Variants in PTPRD observed in about 807,000 individuals in gnomAD.
PTPRD encodes protein tyrosine phosphatase receptor type D, also known as receptor-type tyrosine-protein phosphatase delta.
Under a neutral mutation model 214.5 loss-of-function variants are expected in PTPRD, and 34 were observed. The observed-to-expected ratio is 0.16, with a 90% CI of 0.12 to 0.21. The LOEUF (loss-of-function observed/expected upper bound fraction) is 0.21. PTPRD is among the 10% of genes least tolerant of loss of function. PTPRD has a pLI of 1.00. For synonymous variants in PTPRD, 1,128 were observed against 845.7 expected, an observed-to-expected ratio of 1.33 and a Z score of -5.79; for missense variants, 2,545 against 2,398.7, an observed-to-expected ratio of 1.06 and a Z score of -1.27.
intron 14 of PTPRD, among the ~76,000 whole-genome samples, chr9:8,582,878 G>C (rs564200586): frequency 2.6e-5 from 4 of 152,236 alleles, no homozygotes; most frequent in Admixed American, 6.5e-5. Flanking sequence ...TTCAGCAATT[G>C]GATGTTAAGG....
intron 3 of PTPRD, among the ~76,000 whole-genome samples, chr9:10,147,569 G>A (rs371290843): frequency 2.6e-5 from 4 of 152,244 alleles, no homozygotes; most frequent in African/African-American, 4.8e-5. Flanking sequence ...AGGAAGAAGA[G>A]TTATAGAGAT....
chr9:9,490,554 A>G (rs1033583887), intron 8 of PTPRD, among the ~76,000 whole-genome samples: 3 of 152,050 alleles, frequency 2.0e-5, no homozygotes, highest in Non-Finnish European at 4.4e-5. Context: ...TACACAATGT[A>G]TAAAAATGAA....
intron 14 of PTPRD, among the ~76,000 whole-genome samples, chr9:8,605,623 A>G (rs979767113): frequency 8.5e-5 from 13 of 152,214 alleles, no homozygotes; most frequent in African/African-American, 3.1e-4. Context: ...AAATAGGGAT[A>G]ATATAAAACT....
chr9:9,459,285 A>G (rs545269432), intron 8 of PTPRD, among the ~76,000 whole-genome samples: 40 of 152,224 alleles, frequency 2.6e-4, no homozygotes, highest in African/African-American at 8.9e-4. Flanking sequence ...CCCACTAAGA[A>G]CAGAAACAAG....
intron 12 of PTPRD, among the ~76,000 whole-genome samples, chr9:8,657,626 C>G (rs1157412042): frequency 6.6e-6 from 1 of 152,092 alleles, no homozygotes; most frequent in African/African-American, 2.4e-5. Flanking sequence ...TTTTGCTGTG[C>G]TCTTTAGTTT....
At chr9:9,728,293 G>A (rs2098127521) in intron 7 of PTPRD, among the ~76,000 whole-genome samples, 1 of 152,108 alleles carries the variant, frequency 6.6e-6, no homozygotes, top group Non-Finnish European at 1.5e-5. Flanking sequence ...ATATTTTAGA[G>A]GCTATTAGTG....
chr9:10,259,655 C>T (rs551969336), intron 3 of PTPRD, among the ~76,000 whole-genome samples: 1 of 152,238 alleles, frequency 6.6e-6, no homozygotes, highest in African/African-American at 2.4e-5. Flanking sequence ...AAACTGTCAT[C>T]ATTTTGGCCT....
chr9:10,352,371 T>C (rs2097197894), intron 2 of PTPRD, among the ~76,000 whole-genome samples: 1 of 152,058 alleles, frequency 6.6e-6, no homozygotes. Flanking sequence ...TTATACTCGA[T>C]TGAATGTTTT....
intron 11 of PTPRD, among the ~76,000 whole-genome samples, chr9:8,994,605 A>C (rs1344043893): frequency 1.3e-5 from 2 of 152,072 alleles, no homozygotes; most frequent in Admixed American, 1.3e-4. Context: ...CAAGAATGGA[A>C]GATCAGGATA....
chr9:9,922,000 T>C (rs1170792580), intron 5 of PTPRD, among the ~76,000 whole-genome samples: 1 of 152,116 alleles, frequency 6.6e-6, no homozygotes, highest in Non-Finnish European at 1.5e-5. Flanking sequence ...CCCTGTGCCA[T>C]AATTCAATAA....
intron 2 of PTPRD, among the ~76,000 whole-genome samples, chr9:10,457,424 A>T (rs1044993819): frequency 6.6e-6 from 1 of 152,016 alleles, no homozygotes; most frequent in Non-Finnish European, 1.5e-5. Context: ...TATAGTCTAT[A>T]AAGTCTTGGT....
At chr9:10,034,986 G>C (rs2097152033) in intron 3 of PTPRD, among the ~76,000 whole-genome samples, 1 of 152,074 alleles carries the variant, frequency 6.6e-6, no homozygotes, top group South Asian at 2.1e-4. Context: ...AGGATTGCTG[G>C]GTCAATTTTA....
At chr9:8,630,980 C>G (rs375385733) in intron 14 of PTPRD, among the ~76,000 whole-genome samples, 3 of 151,950 alleles carry the variant, frequency 2.0e-5, no homozygotes, top group South Asian at 4.1e-4. Context: ...TTTTATTGTA[C>G]CTTTTTAATA....
chr9:10,456,512 C>G (rs1272160920), intron 2 of PTPRD, among the ~76,000 whole-genome samples: 1 of 151,792 alleles, frequency 6.6e-6, no homozygotes, highest in Non-Finnish European at 1.5e-5. Context: ...TTAAGAAAAT[C>G]AATTTTTTTC....
intron 11 of PTPRD, among the ~76,000 whole-genome samples, chr9:8,914,778 T>C (rs1374412274): frequency 6.6e-6 from 1 of 152,172 alleles, no homozygotes. Flanking sequence ...AAAAGATTTA[T>C]TCAGGAGAGA....
At chr9:9,585,516 A>G (rs1247732359) in intron 7 of PTPRD, among the ~76,000 whole-genome samples, 1 of 152,066 alleles carries the variant, frequency 6.6e-6, no homozygotes, top group Non-Finnish European at 1.5e-5. Flanking sequence ...TTGAATTGAA[A>G]ATGTCCAAAC....
intron 3 of PTPRD, among the ~76,000 whole-genome samples, chr9:10,242,559 A>G (rs1184759753): frequency 1.3e-5 from 2 of 151,610 alleles, no homozygotes; most frequent in Non-Finnish European, 2.9e-5. Context: ...AGATCCAGGG[A>G]TAGAGTGATA....
chr9:10,596,504 G>T (rs2133156172), intron 2 of PTPRD, among the ~76,000 whole-genome samples: 1 of 151,618 alleles, frequency 6.6e-6, no homozygotes, highest in Non-Finnish European at 1.5e-5. Flanking sequence ...AATTGTAAAG[G>T]CAGTATAAAT....
intron 3 of PTPRD, among the ~76,000 whole-genome samples, chr9:10,229,615 C>T (rs1026738513): frequency 7.3e-5 from 11 of 151,416 alleles, no homozygotes; most frequent in African/African-American, 2.7e-4. Flanking sequence ...AAAAACCAAA[C>T]ACCGCATGTT....
Sources: gnomAD v4.1 joint callset for allele counts (sites outside exome capture counted in the v4.1 genomes callset) on GRCh38, gnomAD v4.1.1 for gene constraint, MANE v1.5 for transcripts, NCBI Gene and HGNC (gene_info 2026-07-23, HGNC 2026-07-21) for gene names.